The following VIL1 variants were observed in gnomAD, a reference collection of about 807,000 sequenced individuals.
VIL1 encodes villin 1.
Under a neutral mutation model 104.0 loss-of-function variants are expected in VIL1, and 86 were observed. The observed-to-expected ratio is 0.83, with a 90% CI of 0.69 to 0.99. The LOEUF is 0.99. Among genes scored for constraint, VIL1 ranks in the 50% least tolerant of loss-of-function variants. VIL1 has a pLI of 0.00. For missense variants in VIL1, 944 were observed against 1,054.1 expected, an observed-to-expected ratio of 0.90 and a Z score of 1.45; for synonymous variants, 394 against 412.6, an observed-to-expected ratio of 0.95 and a Z score of 0.55.
chr2:218,440,087 A>G (rs1295006638), intron 18 of VIL1, among the ~76,000 whole-genome samples: 2 of 152,194 alleles, frequency 1.3e-5, no homozygotes, highest in East Asian at 3.8e-4. Flanking sequence ...TGGCATGTAT[A>G]GATAGGTCAA....
intron 10 of VIL1, 40 bp from the exon 11 acceptor site, chr2:218,431,803 GACCTGGGAGACCTC>G (rs1689102762): frequency 6.8e-7 from 1 of 1,471,846 alleles, no homozygotes; most frequent in Non-Finnish European, 9.4e-7. Context: ...CTGTTGTGAG[GACCTGGGAGACCTC>G]AGCTGGTGAC....
chr2:218,431,209 A>G, intron 10 of VIL1: 1 of 488,504 alleles, frequency 2.0e-6, no homozygotes, highest in Non-Finnish European at 3.6e-6. Flanking sequence ...AAATTAGCCA[A>G]GCATGGTGGT....
intron 12 of VIL1, 126 bp downstream of exon 12, chr2:218,432,309 A>T: frequency 1.4e-6 from 2 of 1,426,226 alleles, no homozygotes; most frequent in Non-Finnish European, 1.9e-6. Context: ...CCCTTCAAGA[A>T]GGACTGCTTT....
intron 19 of VIL1, among the ~76,000 whole-genome samples, chr2:218,447,600 G>C (rs925262569): frequency 5.9e-5 from 9 of 152,044 alleles, no homozygotes; most frequent in African/African-American, 1.2e-4. Context: ...AATTACAGAC[G>C]TGAGCCACCA....
intron 4 of VIL1, 109 bp downstream of exon 4, chr2:218,425,920 A>T: frequency 1.6e-6 from 2 of 1,220,518 alleles, no homozygotes; most frequent in Non-Finnish European, 2.2e-6. Context: ...AGGCCTGGGA[A>T]GAACACTTGG....
intron 2 of VIL1, 83 bp from the exon 3 acceptor site, chr2:218,424,194 G>A (rs1574811681): frequency 5.7e-6 from 7 of 1,235,164 alleles, no homozygotes; most frequent in East Asian, 2.4e-5. Context: ...TGTCTCCGAC[G>A]CCTCCTCCCC....
Position 218,428,276 on chromosome 2 carries a change from A to G in VIL1, c.506A>G (p.Asp169Gly), listed in dbSNP as rs1184841603. 1 of 1,614,022 alleles carries G rather than the reference A, an allele frequency of 6.2e-7. No individual in the cohort carries two copies. Among genetic ancestry groups the G allele is most frequent in the Non-Finnish European group, 8.5e-7 (1 of 1,180,032 alleles). The change falls in exon 6 of 20, where the codon GAC becomes GGC. Residue 169 changes from aspartate to glycine, a missense_variant. Asp to Gly is a moderately conservative substitution (Grantham distance 94, BLOSUM62 -1). Transcript: ENST00000248444. The part of the protein sequence containing the change: ...SFNRGDVFLL[D>G]LGKLIIQWNG... ...AACCGAGGGGATGTTTTCCTCCTGGACCTTGGGAAGCTTATCATCCAGTGG... is the reference window on the plus strand; with the variant it reads ...AACCGAGGGGATGTTTTCCTCCTGGGCCTTGGGAAGCTTATCATCCAGTGG...
At chr2:218,443,536 G>A (rs983379597) in intron 19 of VIL1, among the ~76,000 whole-genome samples, 1 of 152,032 alleles carries the variant, frequency 6.6e-6, no homozygotes, top group Non-Finnish European at 1.5e-5. Context: ...CAATGTTATT[G>A]AACCAGAGGA....
intron 10 of VIL1, 22 bp downstream of exon 10, chr2:218,430,900 T>G (rs746633253): frequency 3.1e-6 from 5 of 1,602,314 alleles, no homozygotes; most frequent in Non-Finnish European, 8.5e-7. Context: ...GCGGGGGCAG[T>G]GAGGGAGCCA....
chr2:218,423,973 C>A, intron 2 of VIL1, 120 bp downstream of exon 2: 1 of 1,130,432 alleles, frequency 8.8e-7, no homozygotes, highest in Non-Finnish European at 1.3e-6. Context: ...CCCCTGAGAG[C>A]TCAGCCCCTC....
chr2:218,432,742 C>T (rs1029221735), intron 12 of VIL1, 51 bp from the exon 13 acceptor site: 2 of 1,607,250 alleles, frequency 1.2e-6, no homozygotes, highest in Middle Eastern at 3.3e-4. Flanking sequence ...AGGATGGGGT[C>T]AGAATTGGGG....
Position 218,423,839 on chromosome 2 carries a change from A to G in VIL1, c.61A>G (p.Ile21Val). Reference protein sequence around the residue: ...SLNITTPGLQIWRIEAMQMVP... With the variant: ...SLNITTPGLQVWRIEAMQMVP... ...CAACATCACCACCCCGGGGCTGCAG[A>G]TATGGAGGATCGAGGTGAGGCCCTG... The change falls in exon 2 of 20, where the codon ATA becomes GTA. Residue 21 changes from isoleucine (I) to valine (V), a missense_variant. By Grantham distance (29) the Ile-to-Val change is conservative. Transcript: ENST00000248444. 3 of 1,614,098 alleles carry G rather than the reference A, an allele frequency of 1.9e-6. No homozygotes were observed. Among genetic ancestry groups the G allele is most frequent in the Non-Finnish European group, 2.5e-6 (3 of 1,179,998 alleles).
At chr2:218,426,402 A>G (rs966903723) in intron 4 of VIL1, among the ~76,000 whole-genome samples, 2 of 148,794 alleles carry the variant, frequency 1.3e-5, no homozygotes, top group Non-Finnish European at 3.0e-5. Flanking sequence ...TTACAGGCAC[A>G]CACCACCAGG....
chr2:218,421,123 A>G (rs1177466543), intron 1 of VIL1, among the ~76,000 whole-genome samples: 1 of 152,066 alleles, frequency 6.6e-6, no homozygotes, highest in African/African-American at 2.4e-5. Context: ...AGAGCATGTT[A>G]GTGTCAGAAA....
chr2:218,428,112 G>T (rs374319601), intron 5 of VIL1, 39 bp downstream of exon 5: 1 of 1,606,082 alleles, frequency 6.2e-7, no homozygotes, highest in African/African-American at 1.3e-5. Context: ...AGGGCTGTGA[G>T]GCCCAGGGTG....
rs768070972 is a variant in VIL1, at chr2:218,424,306, C to T, written c.105C>T (p.Ser35=). Reference sequence around the variant, plus strand: ...TGCAGATGGTGCCTGTTCCTTCCAGCACCTTTGGAAGCTTCTTCGATGGTG... The same window carrying T: ...TGCAGATGGTGCCTGTTCCTTCCAGTACCTTTGGAAGCTTCTTCGATGGTG... ...EAMQMVPVPS[S]TFGSFFDGDC... Residue 35 remains serine (S), a synonymous_variant, in exon 3 of 20, where the codon AGC becomes AGT. Transcript: ENST00000248444. 1.9e-6 allele frequency: 3 copies of T among 1,614,102 alleles called. No individual in the cohort carries two copies. In the South Asian group the frequency reaches 3.3e-5, roughly 18 times the overall value.
chr2:218,419,584 T>A (rs77823564), intron 1 of VIL1, among the ~76,000 whole-genome samples: 126 of 152,326 alleles, frequency 8.3e-4, no homozygotes, highest in Non-Finnish European at 1.6e-3. Flanking sequence ...AGTGTTTTTT[T>A]CTTTGTGTCA....
At position 218,425,762 on chromosome 2, in the gene VIL1, C is replaced by T; in HGVS notation, c.298C>T (p.Gln100Ter). ...CCGGGCTGTGCAGCACCGCGAGGTC[C>T]AGGGCAACGAGAGCGAGGCCTTCCG... ...KGRAVQHREVQGNESEAFRGY... is the reference protein window; with the variant it reads ...KGRAVQHREV Residue 100 changes from glutamine (Q) to a stop codon, truncating the protein, a stop_gained, in exon 4 of 20, where the codon CAG (glutamine) becomes TAG (stop). Transcript: ENST00000248444. LOFTEE classifies it high-confidence loss of function. The T allele has an allele frequency of 6.2e-7, 1 of 1,613,904 alleles. No individual in the cohort carries two copies. Among genetic ancestry groups the T allele is most frequent in the Non-Finnish European group, 8.5e-7 (1 of 1,179,878 alleles).
At chr2:218,439,598 T>C (rs1689250399) in intron 18 of VIL1, among the ~76,000 whole-genome samples, 1 of 151,806 alleles carries the variant, frequency 6.6e-6, no homozygotes, top group Non-Finnish European at 1.5e-5. Context: ...GTGGGTGGAT[T>C]GCTTGAGCCC....
Sources: allele counts gnomAD v4.1 joint callset (sites outside exome capture counted in the v4.1 genomes callset), GRCh38; gene constraint gnomAD v4.1.1; transcripts MANE v1.5; gene names NCBI Gene and HGNC (gene_info 2026-07-23, HGNC 2026-07-21).